Variants in STK32B observed in about 807,000 individuals in gnomAD.
STK32B encodes serine/threonine-protein kinase 32B.
A neutral mutation model predicts 52.6 loss-of-function variants in STK32B; 43 were observed. That is an observed-to-expected ratio of 0.82 (90% CI 0.64 to 1.05). The LOEUF is 1.05. Ranked by LOEUF, STK32B falls within the 50% of genes least tolerant of loss-of-function variation. STK32B has a pLI of 0.00. For synonymous variants in STK32B, 238 were observed against 204.3 expected, an observed-to-expected ratio of 1.17 and a Z score of -1.41; for missense variants, 621 against 534.6, an observed-to-expected ratio of 1.16 and a Z score of -1.59.
At chr4:5,477,545 C>G (rs571996305) in intron 11 of STK32B, among the ~76,000 whole-genome samples, 6 of 152,166 alleles carry the variant, frequency 3.9e-5, no homozygotes, top group South Asian at 4.1e-4. Context: ...GGTACAAATG[C>G]ACAGTTTCAG....
chr4:5,071,009 A>T (rs527776616), intron 1 of STK32B, among the ~76,000 whole-genome samples: 84 of 152,286 alleles, frequency 5.5e-4, no homozygotes, highest in Non-Finnish European at 1.0e-3. Flanking sequence ...CAAAATCTCA[A>T]AGACAAAAGA....
the STK32B span, among the ~76,000 whole-genome samples, chr4:5,042,641 G>A: frequency 1.4e-4 from 21 of 152,340 alleles, no homozygotes; most frequent in African/African-American, 5.1e-4. Flanking sequence ...AGACCAAAGG[G>A]GAGCGAGGTA....
At chr4:5,167,035 G>A (rs1718925069) in intron 2 of STK32B, among the ~76,000 whole-genome samples, 1 of 152,148 alleles carries the variant, frequency 6.6e-6, no homozygotes, top group African/African-American at 2.4e-5. Flanking sequence ...TTTTCCTGCT[G>A]TGCTTGCTGT....
At chr4:5,361,904 A>G (rs1221764011) in intron 4 of STK32B, among the ~76,000 whole-genome samples, 1 of 152,260 alleles carries the variant, frequency 6.6e-6, no homozygotes, top group African/African-American at 2.4e-5. Context: ...CATATAAAAC[A>G]TAATGTCAAA....
intron 1 of STK32B, chr4:5,139,682 G>T: frequency 1.8e-6 from 1 of 556,718 alleles, no homozygotes. Context: ...AAGAAGTGTG[G>T]AGTGAAGGGA....
intron 3 of STK32B, among the ~76,000 whole-genome samples, chr4:5,297,314 A>G (rs914005138): frequency 9.9e-5 from 15 of 152,072 alleles, no homozygotes; most frequent in Non-Finnish European, 2.1e-4. Context: ...CTGAATTTGA[A>G]TGTTGGCCTG....
chr4:5,108,230 A>G (rs1263966235), intron 1 of STK32B, among the ~76,000 whole-genome samples: 2 of 152,212 alleles, frequency 1.3e-5, no homozygotes, highest in African/African-American at 4.8e-5. Context: ...GCTACATTAT[A>G]TACCAGTGTT....
At chr4:5,276,598 G>A (rs1727839898) in intron 3 of STK32B, among the ~76,000 whole-genome samples, 1 of 152,050 alleles carries the variant, frequency 6.6e-6, no homozygotes, top group Admixed American at 6.5e-5. Context: ...GAAAACACAA[G>A]CAGATTCTTT....
At chr4:5,323,468 C>T (rs1250380558) in intron 3 of STK32B, among the ~76,000 whole-genome samples, 1 of 152,092 alleles carries the variant, frequency 6.6e-6, no homozygotes, top group Non-Finnish European at 1.5e-5. Context: ...GGGAGGGAGA[C>T]GGCTATGGGG....
intron 2 of STK32B, among the ~76,000 whole-genome samples, chr4:5,164,747 C>T (rs1379840806): frequency 2.0e-5 from 3 of 152,214 alleles, no homozygotes; most frequent in African/African-American, 7.2e-5. Flanking sequence ...CAGCAAACAG[C>T]TGGAATTTAA....
At chr4:5,292,081 G>A (rs900122541) in intron 3 of STK32B, among the ~76,000 whole-genome samples, 3 of 152,080 alleles carry the variant, frequency 2.0e-5, no homozygotes, top group African/African-American at 7.2e-5. Flanking sequence ...CTTTGTTATT[G>A]TGAACAATGC....
chr4:5,383,907 G>T (rs991493543), intron 4 of STK32B, among the ~76,000 whole-genome samples: 3 of 152,216 alleles, frequency 2.0e-5, no homozygotes, highest in African/African-American at 7.2e-5. Flanking sequence ...AATGGGGAGA[G>T]AGACACAACA....
chr4:5,478,104 C>T (rs1718381720), intron 11 of STK32B, among the ~76,000 whole-genome samples: 1 of 152,150 alleles, frequency 6.6e-6, no homozygotes, highest in Non-Finnish European at 1.5e-5. Flanking sequence ...CTCAACTCCC[C>T]TCTGAAAAGC....
chr4:5,311,042 G>T (rs1247632234), intron 3 of STK32B, among the ~76,000 whole-genome samples: 4 of 152,172 alleles, frequency 2.6e-5, no homozygotes. Flanking sequence ...GTGGGGAAAA[G>T]TGGCAGGGAA....
At chr4:5,219,537 G>T (rs1486084220) in intron 3 of STK32B, among the ~76,000 whole-genome samples, 3 of 152,246 alleles carry the variant, frequency 2.0e-5, no homozygotes, top group Admixed American at 6.5e-5. Flanking sequence ...CACAGAGGTT[G>T]AGAACTTCAC....
intron 3 of STK32B, among the ~76,000 whole-genome samples, chr4:5,255,787 C>T (rs1489704382): frequency 2.0e-5 from 3 of 152,152 alleles, no homozygotes; most frequent in East Asian, 1.9e-4. Context: ...ATTGCCTACT[C>T]TTCTACTATA....
intron 2 of STK32B, among the ~76,000 whole-genome samples, chr4:5,150,134 C>G (rs1040592705): frequency 1.5e-4 from 23 of 151,914 alleles, no homozygotes; most frequent in African/African-American, 5.1e-4. Context: ...ACTTTTGTCT[C>G]CCTCCTTTCA....
chr4:5,057,248 G>T (rs1432772453), intron 1 of STK32B, among the ~76,000 whole-genome samples: 2 of 152,170 alleles, frequency 1.3e-5, no homozygotes, highest in Non-Finnish European at 2.9e-5. Flanking sequence ...CCTTGGATTT[G>T]AGACCAGAAT....
intron 3 of STK32B, among the ~76,000 whole-genome samples, chr4:5,267,207 A>G (rs1445779058): frequency 1.3e-5 from 2 of 152,186 alleles, no homozygotes; most frequent in Admixed American, 6.5e-5. Flanking sequence ...CCAGTGAGCA[A>G]TGGGTATTCA....
Sources: gnomAD v4.1 joint callset for allele counts (sites outside exome capture counted in the v4.1 genomes callset) on GRCh38, gnomAD v4.1.1 for gene constraint, MANE v1.5 for transcripts, NCBI Gene and HGNC (gene_info 2026-07-23, HGNC 2026-07-21) for gene names.